Variants in EIF3G observed in about 807,000 individuals in gnomAD.
The protein encoded by EIF3G is eukaryotic translation initiation factor 3 subunit G, also known as eukaryotic translation initiation factor 3 RNA-binding subunit.
A neutral mutation model predicts 41.7 loss-of-function variants in EIF3G; 10 were observed. That is an observed-to-expected ratio of 0.24 (90% CI 0.15 to 0.41). The LOEUF is 0.41. Among genes scored for constraint, EIF3G ranks in the 10% least tolerant of loss-of-function variants. The pLI, the probability that EIF3G is intolerant of heterozygous loss-of-function variation, is 1.00. For missense variants in EIF3G, 297 were observed against 444.0 expected, an observed-to-expected ratio of 0.67 and a Z score of 2.98; for synonymous variants, 204 against 172.5, an observed-to-expected ratio of 1.18 and a Z score of -1.43.
At chr19:10,115,327 G>T in intron 10 of EIF3G, 152 bp downstream of exon 10, 1 of 1,130,592 alleles carries the variant, frequency 8.8e-7, no homozygotes, top group Non-Finnish European at 1.2e-6. Flanking sequence ...CCACCCCTCT[G>T]CCCGGTTTTG....
intron 2 of EIF3G, 72 bp from the exon 3 acceptor site, chr19:10,119,243 T>C: frequency 6.7e-7 from 1 of 1,492,168 alleles, no homozygotes; most frequent in Non-Finnish European, 9.1e-7. Context: ...TGGAAGGGCT[T>C]TTGGGATGAC....
intron 5 of EIF3G, chr19:10,117,490 G>A (rs945397094): frequency 1.5e-5 from 5 of 335,618 alleles, no homozygotes; most frequent in Non-Finnish European, 2.2e-5. Flanking sequence ...GGATGTGCAG[G>A]GGTCCACCTA....
rs908318457 is a variant in EIF3G at position 10,116,897 on chromosome 19, G to A, written c.498C>T (p.Thr166=). Residue 166 remains threonine, a synonymous_variant, in exon 7 of 11, where the codon ACC becomes ACT. Coordinates refer to ENST00000253108, the MANE Select transcript of EIF3G (RefSeq NM_003755.5). The surrounding 1 kb of genome is among the most constrained non-coding windows in gnomAD (Gnocchi z 4.1). ...GCGTATCCTTGTAGGGGCAGCGGGT[G>A]GTCCAGTGGTCGCCCTTGCAGATGC... ...SCRICKGDHW[T]TRCPYKDTLG... is the part of the protein sequence containing the mutation. 1 of 1,614,016 alleles carries A rather than the reference G, an allele frequency of 6.2e-7. No individual in the cohort carries two copies. Among genetic ancestry groups the A allele is most frequent in the Non-Finnish European group, 8.5e-7 (1 of 1,179,966 alleles).
chr19:10,116,398 C>T lies in EIF3G; in HGVS notation c.596-324G>A, dbSNP rs375380766. On this transcript the variant is annotated intron_variant, in intron 7 of 10. Coordinates refer to ENST00000253108, the MANE Select transcript of EIF3G (RefSeq NM_003755.5). The surrounding 1 kb of genome is among the most constrained non-coding windows in gnomAD (Gnocchi z 4.1). ...ACAACAGGAACAGCGCCCAGGTCCC[C>T]CTCGCGTGGCAGGCGACAAGTGCAC... The T allele has an allele frequency of 4.5e-5, 23 of 506,092 alleles. 1 individual carries two copies. The highest frequency in any genetic ancestry group is 3.8e-4 in the East Asian group (11 of 28,966). The allele number at this position is 506,092 out of a possible 1,614,324, so 31.4% of individuals were successfully genotyped here.
intron 5 of EIF3G, 90 bp from the exon 6 acceptor site, chr19:10,117,278 A>C (rs983475876): frequency 2.0e-5 from 18 of 922,982 alleles, no homozygotes; most frequent in Non-Finnish European, 3.0e-5. Context: ...AGCCACCCCC[A>C]GAGTGTCTGG....
Position 10,115,144 on chromosome 19 carries a change from G to C in EIF3G, c.948-15C>G. ...TGGTGGACGGCCTGGGGTAGGGGAG[G>C]GTGGCAGGTATAAGACTTCTGGGGG... On this transcript the variant is annotated splice_polypyrimidine_tract_variant and intron_variant, in intron 10 of 10. Coordinates refer to ENST00000253108, the MANE Select transcript of EIF3G (RefSeq NM_003755.5). 6.2e-7 allele frequency: 1 copy of C among 1,613,786 alleles called. No individual in the cohort carries two copies. The highest frequency in any genetic ancestry group is 1.1e-5 in the South Asian group (1 of 90,968).
intron 5 of EIF3G, 110 bp downstream of exon 5, chr19:10,118,558 C>CTT (rs1404982974): frequency 1.6e-6 from 2 of 1,220,442 alleles, no homozygotes; most frequent in Admixed American, 4.1e-5. Flanking sequence ...GAGCAACACT[C>CTT]TGTCTCAAAA....
chr19:10,118,622 G>A lies in EIF3G; in HGVS notation c.300+46C>T. On this transcript the variant is annotated intron_variant, in intron 5 of 10. Transcript: ENST00000253108. Reference sequence around the variant, plus strand: ...CTCTAAACACAAAGTCCGGGAGCACGGTTTTCCAATTCCTCTAGGTTAGCC... The same window carrying A: ...CTCTAAACACAAAGTCCGGGAGCACAGTTTTCCAATTCCTCTAGGTTAGCC... 3.1e-6 allele frequency: 5 copies of A among 1,602,122 alleles called. No individual in the cohort carries two copies. In the South Asian group the frequency reaches 3.3e-5, roughly 11 times the overall value.
Position 10,119,886 on chromosome 19 carries a change from A to G in EIF3G, c.-27T>C, listed in dbSNP as rs755220190. Reference sequence around the variant, plus strand: ...GCAAAAAGTATTCTCCACGCAGCCCAAGCCCGGCCAGAGAGCGGAAGCGGG... The same window carrying G: ...GCAAAAAGTATTCTCCACGCAGCCCGAGCCCGGCCAGAGAGCGGAAGCGGG... On this transcript the variant is annotated 5_prime_UTR_variant, in exon 1 of 11. Coordinates refer to ENST00000253108, the MANE Select transcript of EIF3G (RefSeq NM_003755.5). 7 of 1,613,980 alleles carry G rather than the reference A, an allele frequency of 4.3e-6. No homozygotes were observed. Among genetic ancestry groups the G allele is most frequent in the East Asian group, 2.2e-5 (1 of 44,888 alleles).
chr19:10,115,439 A>G (rs1449536037), intron 10 of EIF3G, 40 bp downstream of exon 10: 3 of 1,571,904 alleles, frequency 1.9e-6, no homozygotes, highest in Non-Finnish European at 2.6e-6. Flanking sequence ...GTGCTGGGAC[A>G]AGGCAGGGAG....
rs1040584116 is a variant in EIF3G, at chr19:10,116,086, A to G, written c.596-12T>C. On this transcript the variant is annotated splice_polypyrimidine_tract_variant and intron_variant, in intron 7 of 10. Coordinates refer to ENST00000253108, the MANE Select transcript of EIF3G (RefSeq NM_003755.5). This position sits in a 1 kb window ranked among gnomAD's most constrained non-coding sequence, Gnocchi z 4.1. ...CACCGGCTCTAGCTCTGGGGACCAA[A>G]AGACAGTCAAGTTCAACCTCACTGT... The G allele has an allele frequency of 6.2e-7, 1 of 1,612,474 alleles. No homozygotes were observed. Among genetic ancestry groups the G allele is most frequent in the Non-Finnish European group, 8.5e-7 (1 of 1,179,114 alleles).
At position 10,116,519 on chromosome 19, in the gene EIF3G, C is replaced by T; in HGVS notation, c.595+281G>A. 1.9e-6 allele frequency: 1 copy of T among 515,552 alleles called. No individual in the cohort carries two copies. Among genetic ancestry groups the T allele is most frequent in the Non-Finnish European group, 3.5e-6 (1 of 288,204 alleles). 31.9% of individuals were successfully genotyped at this position (515,552 alleles called of 1,614,324 possible). A position where few individuals can be genotyped will look rare whatever the true frequency, so the allele number is the denominator to read the frequency against. The stretch of plus-strand genomic sequence containing the variant: ...ACGGAGACACTATACACACAGTGCG[C>T]ACACACGATGTGGGGTGGTCAGCAC... On this transcript the variant is annotated intron_variant, in intron 7 of 10. Transcript: ENST00000253108. This position sits in a 1 kb window ranked among gnomAD's most constrained non-coding sequence, Gnocchi z 4.1.
intron 5 of EIF3G, 153 bp from the exon 6 acceptor site, chr19:10,117,341 A>G: frequency 3.3e-6 from 2 of 612,292 alleles, no homozygotes. Context: ...AGTCCTGGCG[A>G]CAGTTGTTTC....
At chr19:10,118,581 AAG>A (rs753463234) in intron 5 of EIF3G, 85 bp downstream of exon 5, 9 of 1,356,558 alleles carry the variant, frequency 6.6e-6, no homozygotes, top group African/African-American at 4.4e-5. Context: ...AAAAAAAAAA[AAG>A]AGTTAAGCCC....
At chr19:10,115,279 G>C in intron 10 of EIF3G, 150 bp from the exon 11 acceptor site, 1 of 1,179,114 alleles carries the variant, frequency 8.5e-7, no homozygotes. Context: ...CTCCAGGCCT[G>C]GTCCACGGAC....
chr19:10,119,047 G>A lies in EIF3G; in HGVS notation c.151+41C>T, dbSNP rs548775589. 42 of 1,603,112 alleles carry A rather than the reference G, an allele frequency of 2.6e-5. No individual in the cohort carries two copies. In the African/African-American group the frequency reaches 5.1e-4, roughly 19 times the overall value. On this transcript the variant is annotated intron_variant, in intron 3 of 10. Transcript: ENST00000253108. ...TGGAGGGAGAGGCAGCCCGGACACC[G>A]AGTGGCAGTCCTCACTCACCTCCCG...
chr19:10,117,067 C>T lies in EIF3G; in HGVS notation c.405+17G>A, dbSNP rs1258237496. On this transcript the variant is annotated intron_variant, in intron 6 of 10. Transcript: ENST00000253108. ...CCCCACCCCAGGATGCCAGCCCCAC[C>T]TGATTGCCCCGCTTACCTCTTTGCT... 6.2e-7 allele frequency: 1 copy of T among 1,611,294 alleles called. No homozygotes were observed. Among genetic ancestry groups the T allele is most frequent in the African/African-American group, 1.3e-5 (1 of 75,004 alleles).
chr19:10,116,919 A>G lies in EIF3G; in HGVS notation c.476T>C (p.Ile159Thr). Reference protein sequence around the residue: ...LKGQKIVSCRICKGDHWTTRC... With the variant: ...LKGQKIVSCRTCKGDHWTTRC... ...GGTGGTCCAGTGGTCGCCCTTGCAG[A>G]TGCGGCAGGACACGATCTTCTGGCC... The change falls in exon 7 of 11, where the codon ATC becomes ACC. Residue 159 changes from isoleucine (I) to threonine (T), a missense_variant. Around this residue, in one of 4 missense-constraint regions of EIF3G, gnomAD observed 26 missense variants for 80.8 expected, o/e 0.32. Coordinates refer to ENST00000253108, the MANE Select transcript of EIF3G (RefSeq NM_003755.5). The surrounding 1 kb of genome is among the most constrained non-coding windows in gnomAD (Gnocchi z 4.1). 1 of 1,613,876 alleles carries G rather than the reference A, an allele frequency of 6.2e-7. No homozygotes were observed. Among genetic ancestry groups the G allele is most frequent in the Non-Finnish European group, 8.5e-7 (1 of 1,179,934 alleles).
chr19:10,117,816 G>A (rs2089272545), intron 5 of EIF3G, among the ~76,000 whole-genome samples: 1 of 152,210 alleles, frequency 6.6e-6, no homozygotes, highest in Non-Finnish European at 1.5e-5. Context: ...AGCACTTTGA[G>A]AGGCGAAGGT....
Sources: gnomAD v4.1 joint callset for allele counts (sites outside exome capture counted in the v4.1 genomes callset) on GRCh38, gnomAD v4.1.1 for gene constraint, gnomAD v4.1.1 regional missense constraint, Gnocchi (gnomAD v3.1) non-coding constraint, MANE v1.5 for transcripts, NCBI Gene and HGNC (gene_info 2026-07-23, HGNC 2026-07-21) for gene names.